The following SLC7A2 variants were observed in gnomAD, a reference collection of about 807,000 sequenced individuals.
SLC7A2 encodes the protein cationic amino acid transporter 2.
In SLC7A2, 48 loss-of-function variants were observed where a neutral mutation model predicts 58.9. The ratio of observed to expected loss-of-function variants is 0.82; its 90% CI spans 0.65 to 1.04. The LOEUF (loss-of-function observed/expected upper bound fraction) is 1.04, where lower values mean the gene tolerates loss of function less well. Among genes scored for constraint, SLC7A2 ranks in the 50% least tolerant of loss-of-function variants. The probability of loss-of-function intolerance (pLI) is 0.00; values close to 1 mark genes in which losing one functional copy is unlikely to be tolerated. For synonymous variants in SLC7A2, 363 were observed against 314.5 expected (o/e 1.15, Z -1.63); for missense variants, 1,029 against 818.8 (o/e 1.26, Z -3.13).
intron 2 of SLC7A2, among the ~76,000 whole-genome samples, chr8:17,541,653 C>A (rs189864716): frequency 2.9e-4 from 44 of 152,180 alleles, no homozygotes; most frequent in African/African-American, 9.9e-4. Context: ...CATCTGTTGA[C>A]TTATATGTTT....
chr8:17,561,261 G>T (rs1802967796), intron 10 of SLC7A2, among the ~76,000 whole-genome samples: 1 of 152,166 alleles, frequency 6.6e-6, no homozygotes, highest in Admixed American at 6.5e-5. Flanking sequence ...AAAGAAAAAG[G>T]TTTAATGGGC....
chr8:17,525,765 A>T (rs796655023), intron 2 of SLC7A2, among the ~76,000 whole-genome samples: 19 of 152,372 alleles, frequency 1.2e-4, no homozygotes, highest in African/African-American at 4.6e-4. Flanking sequence ...CTTGCAAACC[A>T]GCACATTCCT....
chr8:17,558,444 CTG>C (rs1802812587), intron 9 of SLC7A2, 47 bp downstream of exon 9: 4 of 1,253,492 alleles, frequency 3.2e-6, no homozygotes, highest in Admixed American at 1.9e-5. Context: ...ACGAGGGACT[CTG>C]GGAGTGAGAA....
intron 5 of SLC7A2, among the ~76,000 whole-genome samples, chr8:17,549,335 G>C (rs1007730690): frequency 6.6e-6 from 1 of 152,228 alleles, no homozygotes; most frequent in African/African-American, 2.4e-5. Flanking sequence ...CTGAGAGACT[G>C]TTCCATTCCA....
chr8:17,545,985 G>T (rs1423145735), intron 4 of SLC7A2, among the ~76,000 whole-genome samples: 1 of 152,146 alleles, frequency 6.6e-6, no homozygotes, highest in African/African-American at 2.4e-5. Flanking sequence ...TACGGATAGG[G>T]ATAAGAACAT....
chr8:17,545,223 T>C (rs1256847669), intron 4 of SLC7A2, among the ~76,000 whole-genome samples: 1 of 152,074 alleles, frequency 6.6e-6, no homozygotes, highest in Non-Finnish European at 1.5e-5. Flanking sequence ...CTTTAGAACA[T>C]AGAACAATTT....
upstream of SLC7A2, among the ~76,000 whole-genome samples, chr8:17,495,540 G>GT (rs750166243): frequency 1.3e-5 from 2 of 152,052 alleles, no homozygotes; most frequent in African/African-American, 2.4e-5. Flanking sequence ...TAAACTTTCA[G>GT]TTTTTTTGTT....
At chr8:17,551,739 A>G (rs1218235469) in intron 6 of SLC7A2, 25 bp from the exon 7 acceptor site, 1 of 1,521,392 alleles carries the variant, frequency 6.6e-7, no homozygotes, top group East Asian at 2.3e-5. Flanking sequence ...TTAAGCATAC[A>G]CATCTTTTGT....
rs1585238179 is a variant in SLC7A2, at chr8:17,543,132, G to A, written c.-22-186G>A. Among the ~76,000 whole-genome samples, 2 of 152,010 alleles carry A rather than the reference G, an allele frequency of 1.3e-5. 1 individual carries two copies. The highest frequency in any genetic ancestry group is 1.3e-4 in the Admixed American group (2 of 15,234). ...TGAACTACAGGAAATTCGAGGCTCT[G>A]GTTATTAAACCTTCCTTCTGACTGC... is the stretch of plus-strand genomic sequence containing the variant. On this transcript the variant is annotated intron_variant, in intron 2 of 12. Transcript: ENST00000494857.
chr8:17,543,383 T>G lies in SLC7A2; in HGVS notation c.44T>G (p.Ile15Ser), dbSNP rs1200293864. 5 of 1,614,120 alleles carry G rather than the reference T, an allele frequency of 3.1e-6. No individual in the cohort carries two copies. The highest frequency in any genetic ancestry group is 4.2e-6 in the Non-Finnish European group (5 of 1,180,008). ...RAALTFARCL[I>S]RRKIVTLDSL... Reference sequence around the variant, plus strand: ...GCGCTGACCTTTGCCCGATGTCTGATCCGGAGAAAAATCGTGACCCTGGAC... The same window carrying G: ...GCGCTGACCTTTGCCCGATGTCTGAGCCGGAGAAAAATCGTGACCCTGGAC... Residue 15 changes from isoleucine (I) to serine (S), a missense_variant, in exon 3 of 13, where the codon ATC becomes AGC. Coordinates refer to ENST00000494857, the MANE Select transcript of SLC7A2 (RefSeq NM_001370338.1).
At chr8:17,556,670 A>T (rs938699938) in intron 8 of SLC7A2, among the ~76,000 whole-genome samples, 1 of 151,864 alleles carries the variant, frequency 6.6e-6, no homozygotes, top group East Asian at 1.9e-4. Flanking sequence ...GTGTAGTGGC[A>T]CGATCTTGGC....
upstream of SLC7A2, among the ~76,000 whole-genome samples, chr8:17,494,520 T>C (rs1467737227): frequency 6.6e-6 from 1 of 152,158 alleles, no homozygotes; most frequent in Non-Finnish European, 1.5e-5. Context: ...TTTACTCAAC[T>C]GGGAAAAAGA....
At chr8:17,555,188 AAC>A in intron 8 of SLC7A2, 1 of 1,012,168 alleles carries the variant, frequency 9.9e-7, no homozygotes, top group Non-Finnish European at 1.4e-6. Context: ...AGTTAAAAAA[AAC>A]AAAATCACTG....
At chr8:17,512,746 A>G (rs1471573500) in intron 2 of SLC7A2, among the ~76,000 whole-genome samples, 1 of 152,066 alleles carries the variant, frequency 6.6e-6, no homozygotes, top group Non-Finnish European at 1.5e-5. Flanking sequence ...AGAACTTTTT[A>G]ATTTTGCAAA....
rs375691023 is a variant in SLC7A2, at chr8:17,570,412, A to T, written c.*5266A>T. On this transcript the variant is annotated 3_prime_UTR_variant, in exon 13 of 13. Transcript: ENST00000494857. ...CAGGGTTTTTTTAGTAGTAATTTTA[A>T]ATTTAAATGTTTTAAGTGATCATCA... 2.0e-4 allele frequency: 30 copies of T among 152,750 alleles called. No homozygotes were observed. The East Asian group carries it at 4.2e-3, about 22-fold the overall frequency. The allele number at this position is 152,750 out of a possible 1,614,324, so 9.5% of individuals were successfully genotyped here.
At chr8:17,512,898 T>A (rs534224002) in intron 2 of SLC7A2, among the ~76,000 whole-genome samples, 3 of 152,212 alleles carry the variant, frequency 2.0e-5, no homozygotes, top group Non-Finnish European at 4.4e-5. Flanking sequence ...TTTTGCCTTT[T>A]TGTGGCTGGA....
intron 12 of SLC7A2, among the ~76,000 whole-genome samples, chr8:17,564,488 CA>C (rs1803170047): frequency 6.6e-6 from 1 of 152,168 alleles, no homozygotes; most frequent in African/African-American, 2.4e-5. Context: ...CAGCGGTCCC[CA>C]ACCTTTTTGG....
Position 17,569,841 on chromosome 8 carries a change from C to T in SLC7A2, c.*4695C>T, listed in dbSNP as rs1463706731. On this transcript the variant is annotated 3_prime_UTR_variant, in exon 13 of 13. Transcript: ENST00000494857. ...AGAGCTTTCCCTAGCCACTGACAGC[C>T]CCGTGGAGATCATAATCAGGGCCCC... The T allele has an allele frequency of 1.3e-5, 2 of 152,152 alleles. No homozygotes were observed. Among genetic ancestry groups the T allele is most frequent in the Non-Finnish European group, 2.9e-5 (2 of 68,068 alleles). 9.4% of individuals were successfully genotyped at this position (152,152 alleles called of 1,614,324 possible). A position where few individuals can be genotyped will look rare whatever the true frequency, so the allele number is the denominator to read the frequency against.
At chr8:17,520,025 T>C (rs1245022662) in intron 2 of SLC7A2, among the ~76,000 whole-genome samples, 1 of 152,186 alleles carries the variant, frequency 6.6e-6, no homozygotes, top group Non-Finnish European at 1.5e-5. Flanking sequence ...GAATTAGTGA[T>C]GATCAGAGTG....
Sources: allele counts gnomAD v4.1 joint callset (sites outside exome capture counted in the v4.1 genomes callset), GRCh38; gene constraint gnomAD v4.1.1; transcripts MANE v1.5; gene names NCBI Gene and HGNC (gene_info 2026-07-23, HGNC 2026-07-21).